The following MTA3 variants were observed in gnomAD, a reference collection of about 807,000 sequenced individuals.
The protein encoded by MTA3 is metastasis associated 1 family member 3.
Under a neutral mutation model 83.5 loss-of-function variants are expected in MTA3, and 34 were observed. That is an observed-to-expected ratio of 0.41 (90% confidence interval 0.31 to 0.54). MTA3 has a LOEUF of 0.54. MTA3 is among the 20% of genes least tolerant of loss of function. The pLI, the probability that MTA3 is intolerant of heterozygous loss-of-function variation, is 0.33. For synonymous variants in MTA3, 303 were observed against 252.7 expected (o/e 1.20, Z -1.89); for missense variants, 761 against 726.4 (o/e 1.05, Z -0.55).
At chr2:42,499,094 G>C (rs1474442778) in intron 2 of MTA3, among the ~76,000 whole-genome samples, 1 of 152,098 alleles carries the variant, frequency 6.6e-6, no homozygotes, top group African/African-American at 2.4e-5. Flanking sequence ...ATAAGTCCTA[G>C]AGATCTACGA....
chr2:42,645,235 G>A (rs1289153403), intron 6 of MTA3, among the ~76,000 whole-genome samples: 3 of 135,654 alleles, frequency 2.2e-5, no homozygotes, highest in African/African-American at 5.6e-5. Flanking sequence ...ATAAAAAAAA[G>A]CAAAACAGGC....
intron 8 of MTA3, among the ~76,000 whole-genome samples, chr2:42,672,246 C>T (rs1690862589): frequency 2.0e-5 from 3 of 151,550 alleles, no homozygotes; most frequent in African/African-American, 7.3e-5. Context: ...CCTGTAATCA[C>T]AGGTACATGG....
Position 42,709,165 on chromosome 2 carries a change from C to G in MTA3, c.1525+69C>G. The G allele has an allele frequency of 4.7e-6, 6 of 1,274,638 alleles. No homozygotes were observed. The South Asian group carries it at 6.7e-5, about 14-fold the overall frequency. The allele number at this position is 1,274,638 out of a possible 1,614,324, so 79.0% of individuals were successfully genotyped here. On this transcript the variant is annotated intron_variant, in intron 14 of 16. Transcript: ENST00000405094. The stretch of plus-strand genomic sequence containing the variant: ...ACCATTTTCTCTTTTCCTCTCTTTC[C>G]TTTTTTTTTTGTTTGTTTGTTTGCA...
intron 2 of MTA3, among the ~76,000 whole-genome samples, chr2:42,554,561 A>T (rs1209848768): frequency 6.6e-6 from 1 of 152,166 alleles, no homozygotes; most frequent in Non-Finnish European, 1.5e-5. Flanking sequence ...GGGGCCAGGG[A>T]TAGTGACTGC....
chr2:42,643,637 A>T (rs1442470518), intron 5 of MTA3, among the ~76,000 whole-genome samples: 2 of 152,224 alleles, frequency 1.3e-5, no homozygotes, highest in East Asian at 3.8e-4. Flanking sequence ...AACCACATGT[A>T]AGTTCAACTC....
intron 2 of MTA3, among the ~76,000 whole-genome samples, chr2:42,498,482 C>G (rs1410950285): frequency 1.3e-5 from 2 of 152,168 alleles, no homozygotes; most frequent in African/African-American, 4.8e-5. Flanking sequence ...GGGTTTTAGG[C>G]CTCACAGGGC....
intron 3 of MTA3, among the ~76,000 whole-genome samples, chr2:42,594,356 C>T (rs1249055062): frequency 6.7e-6 from 1 of 148,790 alleles, no homozygotes; most frequent in Non-Finnish European, 1.5e-5. Context: ...TATGCCTCAG[C>T]CTTCTGAGTA....
intron 16 of MTA3, among the ~76,000 whole-genome samples, chr2:42,749,513 G>T (rs532048662): frequency 6.6e-6 from 1 of 152,044 alleles, no homozygotes; most frequent in South Asian, 2.1e-4. Flanking sequence ...TGTCACCCGT[G>T]CTGGAGTGCA....
chr2:42,581,341 C>G (rs1679601541), intron 3 of MTA3, among the ~76,000 whole-genome samples: 1 of 149,576 alleles, frequency 6.7e-6, no homozygotes, highest in Non-Finnish European at 1.5e-5. Context: ...TGTGAGTCAC[C>G]ATGCCTGGTC....
At chr2:42,632,826 G>GGT (rs1195330504) in intron 4 of MTA3, among the ~76,000 whole-genome samples, 1 of 151,910 alleles carries the variant, frequency 6.6e-6, no homozygotes, top group Non-Finnish European at 1.5e-5. Flanking sequence ...GTTTCAGGGT[G>GGT]GTGTGTGTGT....
rs551774429 is a variant in MTA3 at position 42,633,535 on chromosome 2, C to T, written c.318-6638C>T. Reference sequence around the variant, plus strand: ...TGGAGGCTGCAGTGAGCTGAGATCACGCCACTGCACTCTGACCTGGGTGAC... The same window carrying T: ...TGGAGGCTGCAGTGAGCTGAGATCATGCCACTGCACTCTGACCTGGGTGAC... On this transcript the variant is annotated intron_variant, in intron 4 of 16. Transcript: ENST00000405094. 8.5e-5 allele frequency among the ~76,000 whole-genome samples: 13 copies of T among 152,122 alleles called. No individual in the cohort carries two copies. The East Asian group carries it at 9.7e-4, about 11-fold the overall frequency.
chr2:42,751,688 A>C (rs1389746761), intron 16 of MTA3, among the ~76,000 whole-genome samples: 1 of 152,234 alleles, frequency 6.6e-6, no homozygotes, highest in Non-Finnish European at 1.5e-5. Flanking sequence ...AAACCGCAGC[A>C]GGCAAGTTTG....
intron 16 of MTA3, among the ~76,000 whole-genome samples, chr2:42,724,862 C>T (rs1350622116): frequency 6.6e-6 from 1 of 152,150 alleles, no homozygotes; most frequent in African/African-American, 2.4e-5. Context: ...TTTCATTTCC[C>T]TCTGAATGAA....
At chr2:42,558,940 G>T (rs1677531986) in intron 2 of MTA3, among the ~76,000 whole-genome samples, 1 of 151,782 alleles carries the variant, frequency 6.6e-6, no homozygotes, top group African/African-American at 2.4e-5. Flanking sequence ...TGTCTCAGTA[G>T]TTCCCCTGGA....
chr2:42,682,386 AT>A lies in MTA3; in HGVS notation c.703-11del. The A allele has an allele frequency of 7.1e-6, 11 of 1,547,456 alleles. No homozygotes were observed. The highest frequency in any genetic ancestry group is 9.6e-6 in the Non-Finnish European group (11 of 1,140,472). On this transcript the variant is annotated splice_polypyrimidine_tract_variant and intron_variant, in intron 8 of 16. Transcript: ENST00000405094. Reference sequence around the variant, plus strand: ...CATTTCTGGTTGATATTTTCTGTTCATTTTGTTTCTTTAGTTTCACGCTATG... The same window carrying A: ...CATTTCTGGTTGATATTTTCTGTTCATTTGTTTCTTTAGTTTCACGCTATG...
chr2:42,525,576 T>C (rs1327769821), intron 2 of MTA3, among the ~76,000 whole-genome samples: 1 of 143,808 alleles, frequency 7.0e-6, no homozygotes, highest in African/African-American at 2.6e-5. Context: ...CTTTCCTTCC[T>C]TCCCCTTCCT....
At chr2:42,497,788 A>G (rs754475826) in intron 2 of MTA3, among the ~76,000 whole-genome samples, 3 of 152,212 alleles carry the variant, frequency 2.0e-5, no homozygotes, top group African/African-American at 7.2e-5. Flanking sequence ...GGTGGTATAT[A>G]GCTCAGTGCA....
intron 2 of MTA3, among the ~76,000 whole-genome samples, chr2:42,543,709 C>T (rs1296104071): frequency 1.4e-5 from 2 of 142,490 alleles, no homozygotes; most frequent in African/African-American, 2.6e-5. Context: ...TGGTTTCAAA[C>T]ATCTGGCCTC....
chr2:42,690,680 ATT>A (rs11358037), intron 9 of MTA3, among the ~76,000 whole-genome samples: 1,967 of 118,048 alleles, frequency 0.017, 30 homozygotes, highest in African/African-American at 0.059. Context: ...TTTTAATTTA[ATT>A]TTTTTTTTTT....
Sources: gnomAD v4.1 joint callset for allele counts (sites outside exome capture counted in the v4.1 genomes callset) on GRCh38, gnomAD v4.1.1 for gene constraint, MANE v1.5 for transcripts, NCBI Gene and HGNC (gene_info 2026-07-23, HGNC 2026-07-21) for gene names.